Variants in GRIK4 observed in about 807,000 individuals in gnomAD.
The protein encoded by GRIK4 is glutamate ionotropic receptor kainate type subunit 4, also known as glutamate receptor ionotropic, kainate 4.
A neutral mutation model predicts 104.9 loss-of-function variants in GRIK4; 40 were observed. The observed-to-expected ratio is 0.38, with a 90% CI of 0.30 to 0.50. GRIK4 has a LOEUF of 0.50. Among genes scored for constraint, GRIK4 ranks in the 20% least tolerant of loss-of-function variants. The probability of loss-of-function intolerance (pLI) is 0.93; values close to 1 mark genes in which losing one functional copy is unlikely to be tolerated. For missense variants in GRIK4, 1,047 were observed against 1,308.1 expected, an observed-to-expected ratio of 0.80 and a Z score of 3.08; for synonymous variants, 485 against 524.9, an observed-to-expected ratio of 0.92 and a Z score of 1.04.
At chr11:120,604,584 C>T (rs1479406047) in intron 1 of GRIK4, among the ~76,000 whole-genome samples, 2 of 152,210 alleles carry the variant, frequency 1.3e-5, no homozygotes, top group Non-Finnish European at 2.9e-5. Flanking sequence ...AAGACAAATA[C>T]AGACAGGGGA....
intron 3 of GRIK4, among the ~76,000 whole-genome samples, chr11:120,785,487 T>A (rs748851691): frequency 2.0e-5 from 3 of 152,186 alleles, no homozygotes; most frequent in Non-Finnish European, 4.4e-5. Context: ...GCAGATAGAA[T>A]TGTCGGTGAT....
At chr11:120,833,798 C>T (rs1953499053) in intron 7 of GRIK4, among the ~76,000 whole-genome samples, 1 of 133,142 alleles carries the variant, frequency 7.5e-6, no homozygotes, top group Non-Finnish European at 1.7e-5. Context: ...GCTTTACAGA[C>T]ACATTTTTCC....
chr11:120,892,232 AAG>A (rs1955323186), intron 11 of GRIK4, among the ~76,000 whole-genome samples: 2 of 152,304 alleles, frequency 1.3e-5, no homozygotes, highest in Admixed American at 1.3e-4. Flanking sequence ...AGCTGGACCG[AAG>A]AGCATGAGAA....
chr11:120,595,652 T>C (rs528548217), intron 1 of GRIK4, among the ~76,000 whole-genome samples: 2 of 152,164 alleles, frequency 1.3e-5, no homozygotes, highest in Non-Finnish European at 2.9e-5. Context: ...CTTTTTAGTC[T>C]TTGCATATGC....
chr11:120,520,485 G>T (rs894293996), intron 1 of GRIK4, among the ~76,000 whole-genome samples: 2 of 152,230 alleles, frequency 1.3e-5, no homozygotes, highest in African/African-American at 4.8e-5. Flanking sequence ...GAAGGGCCCG[G>T]TGTGGAGGCA....
chr11:120,587,306 C>T (rs1040457569), intron 1 of GRIK4, among the ~76,000 whole-genome samples: 2 of 151,844 alleles, frequency 1.3e-5, no homozygotes, highest in East Asian at 1.9e-4. Flanking sequence ...AGTGTGAGTA[C>T]GTGATTGGAG....
intron 20 of GRIK4, among the ~76,000 whole-genome samples, chr11:120,983,855 C>A (rs1482693194): frequency 6.6e-6 from 1 of 152,210 alleles, no homozygotes; most frequent in Non-Finnish European, 1.5e-5. Context: ...GCTTGACATG[C>A]AGTAGACAGT....
At chr11:120,571,305 G>A (rs1414707741) in intron 1 of GRIK4, among the ~76,000 whole-genome samples, 1 of 152,142 alleles carries the variant, frequency 6.6e-6, no homozygotes. Flanking sequence ...TGAGGACATG[G>A]TGACGACTGT....
At chr11:120,968,669 G>A (rs1291011934) in intron 19 of GRIK4, among the ~76,000 whole-genome samples, 4 of 152,144 alleles carry the variant, frequency 2.6e-5, no homozygotes, top group Non-Finnish European at 5.9e-5. Context: ...ACACTTCTTG[G>A]CTCTTCACTC....
intron 3 of GRIK4, among the ~76,000 whole-genome samples, chr11:120,732,040 T>C (rs1390904341): frequency 2.0e-5 from 3 of 152,220 alleles, no homozygotes; most frequent in African/African-American, 7.2e-5. Flanking sequence ...TTTGTTTCAG[T>C]TCCATTTATA....
chr11:120,898,500 T>C, intron 11 of GRIK4, 32 bp from the exon 12 acceptor site: 1 of 1,279,764 alleles, frequency 7.8e-7, no homozygotes, highest in Non-Finnish European at 1.1e-6. Flanking sequence ...AGGCCACCAT[T>C]TCTTCCCAGT....
At chr11:120,606,631 GA>G (rs1323958067) in intron 1 of GRIK4, among the ~76,000 whole-genome samples, 1 of 152,206 alleles carries the variant, frequency 6.6e-6, no homozygotes, top group Non-Finnish European at 1.5e-5. Flanking sequence ...GGGATTTTAC[GA>G]TGGAAAGCTG....
At chr11:120,624,853 C>T (rs1382541269) in intron 1 of GRIK4, among the ~76,000 whole-genome samples, 2 of 152,080 alleles carry the variant, frequency 1.3e-5, no homozygotes, top group Non-Finnish European at 2.9e-5. Flanking sequence ...ATAAAGACAC[C>T]TTCATGTATT....
chr11:120,638,564 G>A (rs530814889), intron 1 of GRIK4, among the ~76,000 whole-genome samples: 17 of 151,080 alleles, frequency 1.1e-4, no homozygotes, highest in South Asian at 2.1e-4. Flanking sequence ...TGCAAGCTCC[G>A]CCTCCTGGGT....
At chr11:120,794,543 T>C (rs1333865415) in intron 3 of GRIK4, among the ~76,000 whole-genome samples, 3 of 152,222 alleles carry the variant, frequency 2.0e-5, no homozygotes, top group Non-Finnish European at 4.4e-5. Context: ...GTTGGACTTC[T>C]GTCTACATGA....
chr11:120,679,826 G>T (rs1039400166), intron 3 of GRIK4, among the ~76,000 whole-genome samples: 3 of 152,212 alleles, frequency 2.0e-5, no homozygotes, highest in Admixed American at 6.5e-5. Flanking sequence ...CAGGCAGGCT[G>T]CAGATGATCC....
chr11:120,705,741 A>G (rs1950620053), intron 3 of GRIK4, among the ~76,000 whole-genome samples: 1 of 152,172 alleles, frequency 6.6e-6, no homozygotes, highest in Non-Finnish European at 1.5e-5. Context: ...AGTTAAATTT[A>G]TTCCTAGGTA....
intron 8 of GRIK4, among the ~76,000 whole-genome samples, chr11:120,842,459 A>G (rs1953741774): frequency 6.6e-6 from 1 of 152,268 alleles, no homozygotes; most frequent in Non-Finnish European, 1.5e-5. Flanking sequence ...CCATGTGCCC[A>G]GGGAGAAGAG....
chr11:120,697,007 C>T (rs1010149708), intron 3 of GRIK4, among the ~76,000 whole-genome samples: 4 of 152,178 alleles, frequency 2.6e-5, no homozygotes. Context: ...CACCCCATGA[C>T]GTTTGTTATG....
Sources: gnomAD v4.1 joint callset for allele counts (sites outside exome capture counted in the v4.1 genomes callset) on GRCh38, gnomAD v4.1.1 for gene constraint, MANE v1.5 for transcripts, NCBI Gene and HGNC (gene_info 2026-07-23, HGNC 2026-07-21) for gene names.